The following SEMA3G variants were observed in gnomAD, a reference collection of about 807,000 sequenced individuals.
SEMA3G encodes semaphorin 3G, also known as semaphorin-3G.
SEMA3G carries 70 observed loss-of-function variants against 86.2 expected under a neutral mutation model. That is an observed-to-expected ratio of 0.81 (90% CI 0.67 to 0.99). The LOEUF is 0.99. Ranked by LOEUF, SEMA3G falls within the 50% of genes least tolerant of loss-of-function variation. The pLI, the probability that SEMA3G is intolerant of heterozygous loss-of-function variation, is 0.00. For missense variants in SEMA3G, 1,002 were observed against 1,072.4 expected (o/e 0.93, Z 0.92); for synonymous variants, 416 against 441.4 (o/e 0.94, Z 0.72).
rs1441819574 is a variant in SEMA3G, at chr3:52,442,590, T to A, written c.308A>T (p.Glu103Val). The A allele has an allele frequency of 6.2e-7, 1 of 1,614,040 alleles. No individual in the cohort carries two copies. The highest frequency in any genetic ancestry group is 1.3e-5 in the African/African-American group (1 of 75,004). The change falls in exon 3 of 16, where the codon GAG (glutamate) becomes GTG (valine). Residue 103 changes from glutamate (E) to valine (V), a missense_variant. Glu to Val is a moderately radical substitution (Grantham distance 121, BLOSUM62 -2). Coordinates refer to ENST00000231721, the MANE Select transcript of SEMA3G (RefSeq NM_020163.3). The surrounding 1 kb of genome is among the most constrained non-coding windows in gnomAD (Gnocchi z 6.1). ...VLWPPQPGQR[E>V]ECVRKGRDPL... ...ATCTCTTCCCTTTCGAACACACTCC[T>A]CCCTCTGTCCTGGCTGCGGTGGCCA...
rs1559613241 is a variant in SEMA3G, at chr3:52,444,725, ACGGCACACGCAAACT to A, written c.115+173_115+187del. ...ACAAACTCGGCACACGCACACAAACACGGCACACGCAAACTCGGCACACGCACACAAACTCGGCAC... is the reference window on the plus strand; with the variant it reads ...ACAAACTCGGCACACGCACACAAACACGGCACACGCACACAAACTCGGCAC... On this transcript the variant is annotated intron_variant, in intron 1 of 15. Transcript: ENST00000231721. Among the ~76,000 whole-genome samples, 22 of 12,490 alleles carry A rather than the reference ACGGCACACGCAAACT, an allele frequency of 1.8e-3. 4 individuals carry two copies. Among genetic ancestry groups the A allele is most frequent in the Admixed American group, 2.7e-3 (3 of 1,110 alleles). 8.2% of individuals were successfully genotyped at this position (12,490 alleles called of 152,430 possible).
chr3:52,442,010 G>C lies in SEMA3G; in HGVS notation c.460-101C>G. 1.5e-6 allele frequency: 2 copies of C among 1,314,934 alleles called. No individual in the cohort carries two copies. Among genetic ancestry groups the C allele is most frequent in the Non-Finnish European group, 2.1e-6 (2 of 952,422 alleles). The allele number at this position is 1,314,934 out of a possible 1,614,324, so 81.5% of individuals were successfully genotyped here. ...CCTCGCGTGCGGCCAGAGAGCGGGG[G>C]TGGGCGGAAGGCGTCCTCATCCAGG... On this transcript the variant is annotated intron_variant, in intron 4 of 15. Transcript: ENST00000231721. The surrounding 1 kb of genome is among the most constrained non-coding windows in gnomAD (Gnocchi z 6.1).
intron 1 of SEMA3G, among the ~76,000 whole-genome samples, chr3:52,444,225 C>T (rs1203444488): frequency 6.6e-6 from 1 of 152,156 alleles, no homozygotes; most frequent in East Asian, 1.9e-4. Context: ...CTGTCACTCT[C>T]CCCTGCCTGG....
chr3:52,439,925 G>T lies in SEMA3G; in HGVS notation c.1317C>A (p.Ile439=), dbSNP rs149338010. 294 of 1,613,736 alleles carry T rather than the reference G, an allele frequency of 1.8e-4. No homozygotes were observed. Among genetic ancestry groups the T allele is most frequent in the Non-Finnish European group, 2.3e-4 (272 of 1,180,012 alleles). ...KTHLAQQLHQ[I]VVDRVEAEDG... ...CCTCTGCCTCCACGCGGTCCACCAC[G>T]ATCTGGTGTAGCTGCTGGGCCAGGT... is the stretch of plus-strand genomic sequence containing the variant. Residue 439 remains isoleucine (I), a synonymous_variant, in exon 11 of 16, where the codon ATC becomes ATA. Transcript: ENST00000231721.
chr3:52,439,010 C>T lies in SEMA3G; in HGVS notation c.1468-49G>A, dbSNP rs767547307. On this transcript the variant is annotated intron_variant, in intron 12 of 15. Coordinates refer to ENST00000231721, the MANE Select transcript of SEMA3G (RefSeq NM_020163.3). ...TGTGGGTCGGGTGGACCAAGACCTG[C>T]CCCTGCACCCCTGCTTTCAGTCTCC... 10 of 1,583,478 alleles carry T rather than the reference C, an allele frequency of 6.3e-6. No homozygotes were observed. In the East Asian group the frequency reaches 2.3e-4, roughly 36 times the overall value.
rs1706160636 is a variant in SEMA3G at position 52,441,709 on chromosome 3, AAC to A, written c.551-21_551-20del. ...TCCCCGTCTGGGGTGGGGGTTGGGG[AAC>A]AGAGTCAGGGGAGGAGGCCCAGGCC... On this transcript the variant is annotated intron_variant, in intron 5 of 15. Transcript: ENST00000231721. 8.1e-6 allele frequency: 13 copies of A among 1,609,066 alleles called. No individual in the cohort carries two copies. Among genetic ancestry groups the A allele is most frequent in the Non-Finnish European group, 1.1e-5 (13 of 1,176,082 alleles).
chr3:52,441,191 T>G, intron 7 of SEMA3G, 73 bp downstream of exon 7: 2 of 1,555,450 alleles, frequency 1.3e-6, no homozygotes, highest in East Asian at 2.3e-5. Context: ...TGGCCAGGGG[T>G]GGGGGGAGAA....
At position 52,439,963 on chromosome 3, in the gene SEMA3G, G is replaced by A; in HGVS notation, c.1279C>T (p.Leu427Phe). 6.2e-7 allele frequency: 1 copy of A among 1,613,802 alleles called. No homozygotes were observed. Among genetic ancestry groups the A allele is most frequent in the Non-Finnish European group, 8.5e-7 (1 of 1,179,992 alleles). Residue 427 changes from leucine to phenylalanine, a missense_variant, in exon 11 of 16, where the codon CTT becomes TTT. Physicochemically the swap from Leu to Phe is conservative, Grantham distance 22. Coordinates refer to ENST00000231721, the MANE Select transcript of SEMA3G (RefSeq NM_020163.3). ...PVRPRHGRPV[L>F]VKTHLAQQLH... ...TGCTGGGCCAGGTGGGTCTTGACAA[G>A]GACAGGGCGGCCATGTCGAGGCCGC...
rs1358305143 is a variant in SEMA3G, at chr3:52,442,021, G to T, written c.460-112C>A. On this transcript the variant is annotated intron_variant, in intron 4 of 15. Coordinates refer to ENST00000231721, the MANE Select transcript of SEMA3G (RefSeq NM_020163.3). The surrounding 1 kb of genome is among the most constrained non-coding windows in gnomAD (Gnocchi z 6.1). ...GCCAGAGAGCGGGGGTGGGCGGAAG[G>T]CGTCCTCATCCAGGGCCCCTCTAAT... 6.9e-6 allele frequency: 9 copies of T among 1,309,874 alleles called. No homozygotes were observed. Among genetic ancestry groups the T allele is most frequent in the Non-Finnish European group, 9.5e-6 (9 of 951,502 alleles). The allele number at this position is 1,309,874 out of a possible 1,614,324, so 81.1% of individuals were successfully genotyped here.
At chr3:52,438,331 A>G (rs1706087716) in intron 13 of SEMA3G, 132 bp from the exon 14 acceptor site, 1 of 1,421,596 alleles carries the variant, frequency 7.0e-7, no homozygotes. Context: ...GGATTCATTC[A>G]AAAAACAAAA....
intron 12 of SEMA3G, among the ~76,000 whole-genome samples, 160 bp downstream of exon 12, chr3:52,439,520 G>C (rs558621646): frequency 6.6e-5 from 10 of 152,146 alleles, no homozygotes; most frequent in South Asian, 2.1e-4. Flanking sequence ...CGGGGTGGAG[G>C]GGGGGCATCT....
chr3:52,442,947 C>A lies in SEMA3G; in HGVS notation c.116-40G>T. The A allele has an allele frequency of 6.4e-7, 1 of 1,559,096 alleles. No individual in the cohort carries two copies. On this transcript the variant is annotated intron_variant, in intron 1 of 15. Coordinates refer to ENST00000231721, the MANE Select transcript of SEMA3G (RefSeq NM_020163.3). This position sits in a 1 kb window ranked among gnomAD's most constrained non-coding sequence, Gnocchi z 6.1. ...GGGGAGGCAGATCAGGGCCACAGCTCAGCCTAGTTCCCCAGCCAAGGAGTG... is the reference window on the plus strand; with the variant it reads ...GGGGAGGCAGATCAGGGCCACAGCTAAGCCTAGTTCCCCAGCCAAGGAGTG...
At chr3:52,444,421 C>G (rs1410966198) in intron 1 of SEMA3G, among the ~76,000 whole-genome samples, 1 of 152,004 alleles carries the variant, frequency 6.6e-6, no homozygotes, top group African/African-American at 2.4e-5. Flanking sequence ...GACCAGGCAC[C>G]CAAGAGCCCA....
chr3:52,438,506 A>G, intron 13 of SEMA3G: 1 of 985,436 alleles, frequency 1.0e-6, no homozygotes, highest in Non-Finnish European at 1.2e-6. Context: ...GTTGTCCCTG[A>G]CCTTAGAGGT....
chr3:52,438,627 T>C, intron 13 of SEMA3G: 1 of 985,496 alleles, frequency 1.0e-6, no homozygotes, highest in South Asian at 4.7e-5. Flanking sequence ...ATAGTAGGCC[T>C]CTAAAAAGTG....
rs1412464623 is a variant in SEMA3G at position 52,442,972 on chromosome 3, G to A, written c.116-65C>T. 3 of 1,551,198 alleles carry A rather than the reference G, an allele frequency of 1.9e-6. No homozygotes were observed. The highest frequency in any genetic ancestry group is 2.6e-6 in the Non-Finnish European group (3 of 1,147,504). The stretch of plus-strand genomic sequence containing the variant: ...CAGCCTAGTTCCCCAGCCAAGGAGT[G>A]GAGGTGGAGGCCCCGGCTGAGCATC... On this transcript the variant is annotated intron_variant, in intron 1 of 15. Transcript: ENST00000231721. This position sits in a 1 kb window ranked among gnomAD's most constrained non-coding sequence, Gnocchi z 6.1.
In SEMA3G at chr3:52,440,758, C is replaced by T. The variant is rs34540591; in HGVS notation, c.994G>A (p.Val332Ile). 2,688 of 1,611,964 alleles carry T rather than the reference C, an allele frequency of 1.7e-3. 44 individuals carry two copies. The African/African-American group carries it at 0.031, about 19-fold the overall frequency. ...SLEVYALFST[V>I]SAVFQGFAVC... ...CGGGGTGCTGGGTGTGCCCACCTGA[C>T]GGTGCTGAACAGCGCGTACACCTCG... The change falls in exon 9 of 16, where the codon GTC becomes ATC. Residue 332 changes from valine to isoleucine, a missense_variant. Coordinates refer to ENST00000231721, the MANE Select transcript of SEMA3G (RefSeq NM_020163.3).
chr3:52,436,008 G>A lies in SEMA3G; in HGVS notation c.1944C>T (p.Phe648=), dbSNP rs767461567. The A allele has an allele frequency of 2.3e-5, 37 of 1,613,624 alleles. No homozygotes were observed. Among genetic ancestry groups the A allele is most frequent in the South Asian group, 1.5e-4 (14 of 91,090 alleles). ...TGGTGCAGGTGTAGGTGCCCGCATCGAAACGGCTAAGCCTGCGGAACAGCA... is the reference window on the plus strand; with the variant it reads ...TGGTGCAGGTGTAGGTGCCCGCATCAAAACGGCTAAGCCTGCGGAACAGCA... The part of the protein sequence containing the change: ...RGLLFRRLSR[F]DAGTYTCTTL... The change falls in exon 16 of 16, where the codon TTC becomes TTT. Residue 648 remains phenylalanine (F), a synonymous_variant. Transcript: ENST00000231721.
chr3:52,435,472 G>C lies in SEMA3G; in HGVS notation c.*131C>G, dbSNP rs1706027893. 2.4e-6 allele frequency: 2 copies of C among 839,786 alleles called. No homozygotes were observed. The highest frequency in any genetic ancestry group is 3.7e-4 in the Middle Eastern group (1 of 2,716). 52.0% of individuals were successfully genotyped at this position (839,786 alleles called of 1,614,324 possible). ...CCATTAGACCCCAGTAGCGGTGTGG[G>C]GGCAGAGACACCTGTCTCTAAGAGG... On this transcript the variant is annotated 3_prime_UTR_variant, in exon 16 of 16. Coordinates refer to ENST00000231721, the MANE Select transcript of SEMA3G (RefSeq NM_020163.3).
Sources: allele counts gnomAD v4.1 joint callset (sites outside exome capture counted in the v4.1 genomes callset), GRCh38; gene constraint gnomAD v4.1.1; non-coding constraint Gnocchi (gnomAD v3.1); transcripts MANE v1.5; gene names NCBI Gene and HGNC (gene_info 2026-07-23, HGNC 2026-07-21).